Variants in RUNX1T1 observed in about 807,000 individuals in gnomAD.
RUNX1T1 encodes the protein RUNX1 partner transcriptional co-repressor 1.
RUNX1T1 carries 4 observed loss-of-function variants against 62.8 expected under a neutral mutation model. The ratio of observed to expected loss-of-function variants is 0.06; its 90% CI spans 0.03 to 0.15. The LOEUF (loss-of-function observed/expected upper bound fraction) is 0.15. Ranked by LOEUF, RUNX1T1 falls within the 10% of genes least tolerant of loss-of-function variation. RUNX1T1 has a pLI of 1.00. For missense variants in RUNX1T1, 508 were observed against 754.3 expected, an observed-to-expected ratio of 0.67 and a Z score of 3.82; for synonymous variants, 291 against 286.0, an observed-to-expected ratio of 1.02 and a Z score of -0.18.
chr8:92,062,610 G>A (rs543200853), exon 1 of RUNX1T1: 45 of 1,614,026 alleles, frequency 2.8e-5, no homozygotes, highest in South Asian at 1.9e-4. Flanking sequence ...AGCGCGTTCC[G>A]GGCTCATGCC....
chr8:91,998,368 CAG>C (rs1383624497), intron 5 of RUNX1T1, among the ~76,000 whole-genome samples: 5 of 152,176 alleles, frequency 3.3e-5, no homozygotes, highest in Non-Finnish European at 2.9e-5. Flanking sequence ...TGATGAAGAA[CAG>C]AGAGCTGAAT....
intron 1 of RUNX1T1, among the ~76,000 whole-genome samples, chr8:92,052,386 G>A (rs1830372959): frequency 6.6e-6 from 1 of 152,064 alleles, no homozygotes; most frequent in Non-Finnish European, 1.5e-5. Flanking sequence ...GTGGGCATCT[G>A]AATACACTGT....
At chr8:92,017,481 A>G (rs1300049799) in intron 1 of RUNX1T1, 118 bp from the exon 3 acceptor site, 2 of 1,561,456 alleles carry the variant, frequency 1.3e-6, no homozygotes, top group Non-Finnish European at 1.7e-6. Flanking sequence ...TCTATCAATA[A>G]AATACACTTA....
At chr8:91,962,877 T>C (rs920107976) in intron 10 of RUNX1T1, among the ~76,000 whole-genome samples, 3 of 152,234 alleles carry the variant, frequency 2.0e-5, no homozygotes, top group Non-Finnish European at 4.4e-5. Context: ...TATCCGTTTT[T>C]TGGCAGAGGC....
At chr8:91,975,968 G>A (rs1813836392) in exon 9 of RUNX1T1, 3 of 1,611,564 alleles carry the variant, frequency 1.9e-6, no homozygotes, top group African/African-American at 1.3e-5. Context: ...AATTCCCGAT[G>A]CGCGTCTATG....
intron 8 of RUNX1T1, among the ~76,000 whole-genome samples, chr8:91,977,913 G>A (rs773296010): frequency 6.6e-5 from 10 of 151,932 alleles, no homozygotes; most frequent in South Asian, 2.1e-4. Context: ...TCAGCCTCCC[G>A]AGTAGCTCGG....
intron 1 of RUNX1T1, among the ~76,000 whole-genome samples, chr8:92,029,972 A>G (rs1193585130): frequency 2.6e-5 from 4 of 152,180 alleles, no homozygotes; most frequent in African/African-American, 9.7e-5. Flanking sequence ...TCCCCTATTT[A>G]AAGTGTTTCA....
At chr8:91,955,185 G>T (rs183342257), downstream of RUNX1T1, 1 of 216,492 alleles carries the variant, frequency 4.6e-6, no homozygotes, top group African/African-American at 2.3e-5. Flanking sequence ...TACTGTTCGC[G>T]TAAACTAAAA....
chr8:92,088,099 A>C (rs1045576577), intron 1 of RUNX1T1, among the ~76,000 whole-genome samples: 1 of 152,196 alleles, frequency 6.6e-6, no homozygotes, highest in Non-Finnish European at 1.5e-5. Context: ...CAGGTGGGCA[A>C]AGGAGCTGTG....
intron 1 of RUNX1T1, among the ~76,000 whole-genome samples, chr8:92,059,186 T>G (rs1000061993): frequency 2.0e-5 from 3 of 152,204 alleles, no homozygotes; most frequent in Non-Finnish European, 2.9e-5. Flanking sequence ...CTTCTATAGT[T>G]GGCACAAGGG....
chr8:92,081,947 G>A (rs554858426), intron 1 of RUNX1T1, among the ~76,000 whole-genome samples: 16 of 152,138 alleles, frequency 1.1e-4, no homozygotes, highest in East Asian at 1.9e-4. Context: ...GTGAAGTGGC[G>A]CAATCTCCAC....
chr8:92,010,884 T>C (rs950236488), intron 4 of RUNX1T1, 118 bp downstream of exon 5: 6 of 606,476 alleles, frequency 9.9e-6, no homozygotes, highest in Admixed American at 5.6e-5. Context: ...TCGATTCAGA[T>C]AGTTTTCATC....
intron 3 of RUNX1T1, among the ~76,000 whole-genome samples, chr8:92,012,773 T>A (rs1822219480): frequency 6.6e-6 from 1 of 151,646 alleles, no homozygotes; most frequent in South Asian, 2.1e-4. Context: ...AAAATCACTC[T>A]CTCAAATGGT....
downstream of RUNX1T1, chr8:91,956,192 T>C (rs528390893): frequency 8.7e-6 from 2 of 231,058 alleles, no homozygotes; most frequent in African/African-American, 2.2e-5. Flanking sequence ...GCCTCTGCTA[T>C]CTATGCAGCA....
At chr8:92,010,944 T>C in intron 4 of RUNX1T1, 58 bp downstream of exon 5, 2 of 963,812 alleles carry the variant, frequency 2.1e-6, no homozygotes, top group Middle Eastern at 4.2e-4. Context: ...AGCACACAGT[T>C]ATGACCTAGC....
At chr8:92,068,469 T>A (rs1833198987) in intron 2 of RUNX1T1, among the ~76,000 whole-genome samples, 1 of 152,062 alleles carries the variant, frequency 6.6e-6, no homozygotes, top group Non-Finnish European at 1.5e-5. Context: ...CAGCTTTCCC[T>A]CAAAGCCCAG....
intron 5 of RUNX1T1, among the ~76,000 whole-genome samples, chr8:92,002,481 T>C (rs1485308877): frequency 6.6e-6 from 1 of 152,080 alleles, no homozygotes; most frequent in African/African-American, 2.4e-5. Context: ...CCAAAACCCA[T>C]CCCTGAAACA....
intron 10 of RUNX1T1, among the ~76,000 whole-genome samples, chr8:91,967,282 G>A (rs1811842313): frequency 6.6e-6 from 1 of 152,104 alleles, no homozygotes; most frequent in South Asian, 2.1e-4. Flanking sequence ...ATGAGCCTGG[G>A]ATGGCCTGGT....
At chr8:92,090,571 C>T (rs1008720932) in intron 1 of RUNX1T1, among the ~76,000 whole-genome samples, 4 of 152,170 alleles carry the variant, frequency 2.6e-5, no homozygotes, top group African/African-American at 9.7e-5. Flanking sequence ...TAGACTAGCA[C>T]ACACTTGTGA....
Sources: allele counts gnomAD v4.1 joint callset (sites outside exome capture counted in the v4.1 genomes callset), GRCh38; gene constraint gnomAD v4.1.1; transcripts MANE v1.5; gene names NCBI Gene and HGNC (gene_info 2026-07-23, HGNC 2026-07-21).